Variants in GET1 observed in about 807,000 individuals in gnomAD.
The protein encoded by GET1 is congenital heart disease 5 protein.
A neutral mutation model predicts 22.6 loss-of-function variants in GET1; 20 were observed. The ratio of observed to expected loss-of-function variants is 0.89; its 90% CI spans 0.62 to 1.29. The LOEUF (loss-of-function observed/expected upper bound fraction) is 1.29, where lower values mean the gene tolerates loss of function less well. Among genes scored for constraint, GET1 ranks in the 50% most tolerant of loss-of-function variants. The pLI is 0.00. For missense variants in GET1, 209 were observed against 219.9 expected (o/e 0.95, Z 0.31); for synonymous variants, 92 against 83.8 (o/e 1.10, Z -0.53).
chr21:39,392,292 CT>C (rs1195704724), intron 3 of GET1, among the ~76,000 whole-genome samples: 1 of 152,162 alleles, frequency 6.6e-6, no homozygotes, highest in Non-Finnish European at 1.5e-5. Flanking sequence ...CTGCCTGGGG[CT>C]TAACCCTCAT....
rs564187356 is a variant in GET1 at position 39,420,558 on chromosome 21, G to T, written c.*24-7674G>T. Reference sequence around the variant, plus strand: ...AAAAAAAAAGATAAACAGAACTGTGGATGGGGGCCCAGGCCCCCTACAAAG... The same window carrying T: ...AAAAAAAAAGATAAACAGAACTGTGTATGGGGGCCCAGGCCCCCTACAAAG... On this transcript the variant is annotated intron_variant, in intron 1 of 1. Transcript: ENST00000478273. 4.5e-5 allele frequency: 17 copies of T among 381,736 alleles called. No individual in the cohort carries two copies. In the South Asian group the frequency reaches 1.1e-3, roughly 24 times the overall value. The allele number at this position is 381,736 out of a possible 1,614,324, so 23.6% of individuals were successfully genotyped here. A position where few individuals can be genotyped will look rare whatever the true frequency, so the allele number is the denominator to read the frequency against.
At chr21:39,384,041 T>C (rs1163941117) in intron 1 of GET1, among the ~76,000 whole-genome samples, 1 of 136,106 alleles carries the variant, frequency 7.3e-6, no homozygotes, top group East Asian at 2.1e-4. Context: ...ACCCCCGGCC[T>C]TTTTTTTTTT....
chr21:39,384,139 T>C (rs2037737396), intron 1 of GET1, among the ~76,000 whole-genome samples: 1 of 152,138 alleles, frequency 6.6e-6, no homozygotes, highest in South Asian at 2.1e-4. Context: ...TTGAGTATCT[T>C]TTCAGATGCT....
Position 39,423,229 on chromosome 21 carries a change from T to C in GET1, c.*24-5003T>C, listed in dbSNP as rs1054492099. 4 of 1,610,946 alleles carry C rather than the reference T, an allele frequency of 2.5e-6. No homozygotes were observed. The African/African-American group carries it at 5.4e-5, about 22-fold the overall frequency. On this transcript the variant is annotated intron_variant, in intron 1 of 1. Coordinates refer to the GET1 transcript ENST00000478273. Reference sequence around the variant, plus strand: ...ATGTTTAGCCATAATTTGAGGTAGATTATTTTGTGAATTCTCATATTTTCC... The same window carrying C: ...ATGTTTAGCCATAATTTGAGGTAGACTATTTTGTGAATTCTCATATTTTCC...
intron 1 of GET1, among the ~76,000 whole-genome samples, chr21:39,425,298 T>G (rs1306070687): frequency 6.6e-6 from 1 of 152,210 alleles, no homozygotes; most frequent in East Asian, 1.9e-4. Flanking sequence ...GGAAAGGCAA[T>G]TCTACCTGTG....
At chr21:39,395,565 T>C (rs111833879) in intron 4 of GET1, among the ~76,000 whole-genome samples, 1 of 152,040 alleles carries the variant, frequency 6.6e-6, no homozygotes, top group Non-Finnish European at 1.5e-5. Context: ...GGTTTCACCA[T>C]GTTGGCCAGG....
intron 1 of GET1, among the ~76,000 whole-genome samples, chr21:39,385,702 G>A (rs1178150264): frequency 1.3e-5 from 2 of 151,274 alleles, no homozygotes; most frequent in South Asian, 2.1e-4. Flanking sequence ...CGCAGGCGTC[G>A]CAGGACTGGC....
At position 39,415,210 on chromosome 21, in the gene GET1, A is replaced by G. The variant is rs2040919804; in HGVS notation, c.*23+4273A>G. Among the ~76,000 whole-genome samples the G allele has an allele frequency of 2.0e-5, 3 of 152,206 alleles. No homozygotes were observed. The East Asian group carries it at 5.8e-4, about 29-fold the overall frequency. Reference sequence around the variant, plus strand: ...CCTGGCTTGGAGTGTTATTTTAAAAATAACATTTTCTGTCATTTCCATGGG... The same window carrying G: ...CCTGGCTTGGAGTGTTATTTTAAAAGTAACATTTTCTGTCATTTCCATGGG... On this transcript the variant is annotated intron_variant, in intron 1 of 1. Coordinates refer to the GET1 transcript ENST00000478273.
intron 1 of GET1, chr21:39,422,292 A>G (rs1426633315): frequency 6.6e-6 from 1 of 152,264 alleles, no homozygotes; most frequent in Non-Finnish European, 1.5e-5. Context: ...AAACTAGCTA[A>G]TGTAAGATAT....
intron 1 of GET1, 40 bp from the exon 2 acceptor site, chr21:39,390,658 C>G (rs200305169): frequency 1.8e-5 from 29 of 1,608,416 alleles, no homozygotes; most frequent in Non-Finnish European, 2.4e-5. Flanking sequence ...TCCTGTGACC[C>G]GTGTTGGAAG....
In GET1 at chr21:39,418,058, G is replaced by A. The variant is rs1041697122; in HGVS notation, c.*23+7121G>A. 3.0e-4 allele frequency among the ~76,000 whole-genome samples: 46 copies of A among 152,172 alleles called. 1 individual carries two copies. The highest frequency in any genetic ancestry group is 2.2e-4 in the Non-Finnish European group (15 of 68,026). On this transcript the variant is annotated intron_variant, in intron 1 of 1. Coordinates refer to the GET1 transcript ENST00000478273. Reference sequence around the variant, plus strand: ...TGGGATTACAGGCGTGAGCCACCGCGCCCAGCGGGGGAGTTTCTTTTTATA... The same window carrying A: ...TGGGATTACAGGCGTGAGCCACCGCACCCAGCGGGGGAGTTTCTTTTTATA...
intron 1 of GET1, among the ~76,000 whole-genome samples, chr21:39,388,466 G>C (rs1486925611): frequency 1.3e-5 from 2 of 152,220 alleles, no homozygotes; most frequent in Non-Finnish European, 2.9e-5. Context: ...CTCCTGTCTG[G>C]AGGAGTTTCC....
intron 4 of GET1, among the ~76,000 whole-genome samples, chr21:39,395,188 G>A (rs2038558714): frequency 6.6e-6 from 1 of 151,958 alleles, no homozygotes; most frequent in Non-Finnish European, 1.5e-5. Context: ...CTTTATTAAG[G>A]AATTTTCAGT....
intron 1 of GET1, among the ~76,000 whole-genome samples, chr21:39,416,096 G>A (rs1436699289): frequency 1.3e-5 from 2 of 152,232 alleles, no homozygotes; most frequent in East Asian, 1.9e-4. Flanking sequence ...ATTATTGAGT[G>A]GAATGCTTTT....
rs2041488876 is a variant in GET1 at position 39,417,769 on chromosome 21, T to G, written c.*23+6832T>G. 1.3e-5 allele frequency among the ~76,000 whole-genome samples: 2 copies of G among 151,948 alleles called. 1 individual carries two copies. Among genetic ancestry groups the G allele is most frequent in the South Asian group, 4.1e-4 (2 of 4,828 alleles). On this transcript the variant is annotated intron_variant, in intron 1 of 1. Transcript: ENST00000478273. Reference sequence around the variant, plus strand: ...TTATTTATTTATTTAATTTTTTAATTTTTAATTTTTTTTTGAGATGGAGTC... The same window carrying G: ...TTATTTATTTATTTAATTTTTTAATGTTTAATTTTTTTTTGAGATGGAGTC...
At chr21:39,393,003 CT>C in intron 3 of GET1, 162 bp from the exon 4 acceptor site, 1 of 577,350 alleles carries the variant, frequency 1.7e-6, no homozygotes, top group Admixed American at 3.0e-5. Flanking sequence ...ACATTAGTGG[CT>C]GTGCGTGCTC....
intron 2 of GET1, chr21:39,391,555 A>C (rs911582161): frequency 3.8e-6 from 2 of 522,548 alleles, no homozygotes; most frequent in Non-Finnish European, 6.7e-6. Flanking sequence ...AAGCTATTCA[A>C]ATCTCAATCT....
chr21:39,390,182 G>A (rs1385126768), intron 1 of GET1, among the ~76,000 whole-genome samples: 1 of 152,040 alleles, frequency 6.6e-6, no homozygotes, highest in Non-Finnish European at 1.5e-5. Flanking sequence ...GTTCTGTCTG[G>A]CCAAACCCAT....
At chr21:39,391,326 C>G (rs951067380) in intron 2 of GET1, 3 of 234,022 alleles carry the variant, frequency 1.3e-5, no homozygotes, top group Non-Finnish European at 2.5e-5. Flanking sequence ...CTGAGGGACC[C>G]CGGTCACAGT....
Sources: allele counts gnomAD v4.1 joint callset (sites outside exome capture counted in the v4.1 genomes callset), GRCh38; gene constraint gnomAD v4.1.1; transcripts MANE v1.5; gene names NCBI Gene and HGNC (gene_info 2026-07-23, HGNC 2026-07-21).